The following CDH6 variants were observed in gnomAD, a reference collection of about 807,000 sequenced individuals.
The protein encoded by CDH6 is cadherin 6.
Under a neutral mutation model 78.0 loss-of-function variants are expected in CDH6, and 31 were observed. That is an observed-to-expected ratio of 0.40 (90% confidence interval 0.30 to 0.54). The LOEUF is 0.54. Ranked by LOEUF, CDH6 falls within the 20% of genes least tolerant of loss-of-function variation. The pLI, the probability that CDH6 is intolerant of heterozygous loss-of-function variation, is 0.56. For synonymous variants in CDH6, 376 were observed against 368.8 expected (o/e 1.02, Z -0.23); for missense variants, 724 against 975.9 (o/e 0.74, Z 3.44).
intron 1 of CDH6, among the ~76,000 whole-genome samples, chr5:31,235,524 C>CT (rs1741433050): frequency 1.3e-5 from 2 of 152,118 alleles, no homozygotes; most frequent in African/African-American, 4.8e-5. Flanking sequence ...ACAGTGAAAA[C>CT]TAAGTACTCA....
chr5:31,283,798 G>T (rs1742931723), intron 2 of CDH6, among the ~76,000 whole-genome samples: 1 of 150,482 alleles, frequency 6.6e-6, no homozygotes, highest in African/African-American at 2.4e-5. Context: ...CAGAAAAATA[G>T]ATTTTCTAGA....
rs548012140 is a variant in CDH6, at chr5:31,274,585, C to T, written c.228+6884C>T. On this transcript the variant is annotated intron_variant, in intron 2 of 11. Transcript: ENST00000265071. ...CTGTAATCCCAGCACTTTGGGAGGC[C>T]GAGGCAGGCATATCACTTGAGGTCA... Among the ~76,000 whole-genome samples the T allele has an allele frequency of 2.6e-5, 4 of 152,294 alleles. No individual in the cohort carries two copies. In the East Asian group the frequency reaches 7.7e-4, roughly 29 times the overall value.
chr5:31,199,423 TACACACATATGTGTATATATAC>T (rs60708736), intron 1 of CDH6, among the ~76,000 whole-genome samples: 39,680 of 126,248 alleles, frequency 0.31, 5,924 homozygotes, highest in African/African-American at 0.34. Flanking sequence ...TGTATATATG[TACACACATATGTGTATATATAC>T]ACACACATAT....
rs1208268714 is a variant in CDH6, at chr5:31,324,758, G to A, written c.*1450G>A. On this transcript the variant is annotated 3_prime_UTR_variant, in exon 12 of 12. Transcript: ENST00000265071. ...TTAGCCTCATAGTTATTATCCAGAG[G>A]ACCCAACTGAACTGAACTAATCCTT... 9.7e-6 allele frequency: 2 copies of A among 207,010 alleles called. No homozygotes were observed. Among genetic ancestry groups the A allele is most frequent in the Non-Finnish European group, 2.0e-5 (2 of 101,696 alleles). 12.8% of individuals were successfully genotyped at this position (207,010 alleles called of 1,614,324 possible).
At chr5:31,232,980 A>G (rs1741352748) in intron 1 of CDH6, among the ~76,000 whole-genome samples, 1 of 152,204 alleles carries the variant, frequency 6.6e-6, no homozygotes, top group African/African-American at 2.4e-5. Context: ...AAGGTTGCAG[A>G]GCTAGAATAT....
At chr5:31,312,738 G>T (rs568639851) in intron 7 of CDH6, among the ~76,000 whole-genome samples, 16 of 151,856 alleles carry the variant, frequency 1.1e-4, no homozygotes, top group East Asian at 5.8e-4. Flanking sequence ...GGGTAGATTC[G>T]CATTGCATCT....
chr5:31,319,119 G>C (rs16900863), intron 11 of CDH6: 3,236 of 179,354 alleles, frequency 0.018, 99 homozygotes, highest in African/African-American at 0.055. Flanking sequence ...TGATCAAAAG[G>C]GTGATTTTTT....
rs139519846 is a variant in CDH6, at chr5:31,206,278, T to C, written c.-129+12392T>C. On this transcript the variant is annotated intron_variant, in intron 1 of 11. Transcript: ENST00000265071. ...AAAAAAGTCAAAGGTATGGGTATTT[T>C]ATATATACATATATCTTATATGTAA... 3.9e-4 allele frequency among the ~76,000 whole-genome samples: 59 copies of C among 152,310 alleles called. 1 individual carries two copies. Among genetic ancestry groups the C allele is most frequent in the African/African-American group, 1.3e-3 (53 of 41,562 alleles).
chr5:31,245,390 CTCTTTCCCTTTCTCTCTCTTTTCCTCTG>C (rs1293786550), intron 1 of CDH6, among the ~76,000 whole-genome samples: 8 of 152,130 alleles, frequency 5.3e-5, no homozygotes, highest in Non-Finnish European at 1.0e-4. Flanking sequence ...TTCTTTCTCT[CTCTTTCCCTTTCTCTCTCTTTTCCTCTG>C]TCTTTCCCTT....
chr5:31,303,621 A>G (rs1485241755), intron 6 of CDH6, among the ~76,000 whole-genome samples: 3 of 152,228 alleles, frequency 2.0e-5, no homozygotes, highest in Non-Finnish European at 4.4e-5. Context: ...ATGCTTCAAG[A>G]CTAAAAATAT....
At chr5:31,247,192 T>C (rs1289033647) in intron 1 of CDH6, among the ~76,000 whole-genome samples, 1 of 152,182 alleles carries the variant, frequency 6.6e-6, no homozygotes, top group Non-Finnish European at 1.5e-5. Context: ...AGTTATCAAT[T>C]CACCAAATCT....
intron 1 of CDH6, among the ~76,000 whole-genome samples, chr5:31,252,718 G>C (rs189487899): frequency 2.0e-5 from 3 of 151,558 alleles, no homozygotes; most frequent in African/African-American, 7.2e-5. Flanking sequence ...TAGGTATAAA[G>C]TTTTCTTTTC....
At chr5:31,219,420 A>G (rs960187992) in intron 1 of CDH6, among the ~76,000 whole-genome samples, 4 of 152,234 alleles carry the variant, frequency 2.6e-5, no homozygotes, top group African/African-American at 4.8e-5. Flanking sequence ...TACATCAAAC[A>G]TATCCAATTT....
chr5:31,205,249 A>G (rs1246991668), intron 1 of CDH6, among the ~76,000 whole-genome samples: 3 of 152,230 alleles, frequency 2.0e-5, no homozygotes, highest in African/African-American at 7.2e-5. Context: ...CATGCTTGCC[A>G]GTGAAAATAC....
At chr5:31,219,283 G>A (rs1307134265) in intron 1 of CDH6, among the ~76,000 whole-genome samples, 1 of 152,104 alleles carries the variant, frequency 6.6e-6, no homozygotes, top group African/African-American at 2.4e-5. Flanking sequence ...AATTGTGCAA[G>A]CTAGTTCCTT....
intron 1 of CDH6, among the ~76,000 whole-genome samples, chr5:31,258,081 A>G (rs577896024): frequency 6.6e-6 from 1 of 152,234 alleles, no homozygotes; most frequent in East Asian, 1.9e-4. Context: ...CAATGTGGCA[A>G]TTCCTCAAGG....
chr5:31,304,503 G>C lies in CDH6; in HGVS notation c.1000-671G>C, dbSNP rs576295766. On this transcript the variant is annotated intron_variant, in intron 6 of 11. Coordinates refer to ENST00000265071, the MANE Select transcript of CDH6 (RefSeq NM_004932.4). Reference sequence around the variant, plus strand: ...AGATCGAGACCATCCTGGCCAACATGATGAAGCCCTGTTTCTACTAAAAAT... The same window carrying C: ...AGATCGAGACCATCCTGGCCAACATCATGAAGCCCTGTTTCTACTAAAAAT... Among the ~76,000 whole-genome samples, 715 of 152,064 alleles carry C rather than the reference G, an allele frequency of 4.7e-3. 5 individuals carry two copies. The highest frequency in any genetic ancestry group is 0.017 in the African/African-American group (690 of 41,470).
chr5:31,285,767 G>A (rs1742994546), intron 2 of CDH6, among the ~76,000 whole-genome samples: 1 of 152,128 alleles, frequency 6.6e-6, no homozygotes, highest in African/African-American at 2.4e-5. Context: ...TATTTATGAT[G>A]GTCAATGAAT....
At chr5:31,279,732 C>G (rs1022765994) in intron 2 of CDH6, among the ~76,000 whole-genome samples, 1 of 152,066 alleles carries the variant, frequency 6.6e-6, no homozygotes, top group East Asian at 1.9e-4. Flanking sequence ...CTTACTGCCT[C>G]GGGGGTGGCA....
Sources: gnomAD v4.1 joint callset for allele counts (sites outside exome capture counted in the v4.1 genomes callset) on GRCh38, gnomAD v4.1.1 for gene constraint, MANE v1.5 for transcripts, NCBI Gene and HGNC (gene_info 2026-07-23, HGNC 2026-07-21) for gene names.